The following DIP2C variants were observed in gnomAD, a reference collection of about 807,000 sequenced individuals.
The protein encoded by DIP2C is disco-interacting protein 2 homolog C.
Under a neutral mutation model 192.4 loss-of-function variants are expected in DIP2C, and 33 were observed. The observed-to-expected ratio is 0.17, with a 90% CI of 0.13 to 0.23. The LOEUF (loss-of-function observed/expected upper bound fraction) is 0.23, where lower values mean the gene tolerates loss of function less well. Ranked by LOEUF, DIP2C falls within the 10% of genes least tolerant of loss-of-function variation. The probability of loss-of-function intolerance (pLI) is 1.00; values close to 1 mark genes in which losing one functional copy is unlikely to be tolerated. For synonymous variants in DIP2C, 979 were observed against 864.1 expected, an observed-to-expected ratio of 1.13 and a Z score of -2.33; for missense variants, 1,537 against 2,110.1, an observed-to-expected ratio of 0.73 and a Z score of 5.32.
At chr10:589,189 T>C (rs536743366) in intron 1 of DIP2C, among the ~76,000 whole-genome samples, 1 of 152,314 alleles carries the variant, frequency 6.6e-6, no homozygotes, top group Admixed American at 6.5e-5. Flanking sequence ...GTTTGTTCTC[T>C]CAGTCATGAG....
intron 3 of DIP2C, among the ~76,000 whole-genome samples, chr10:464,654 A>G (rs1970063409): frequency 6.6e-6 from 1 of 152,252 alleles, no homozygotes; most frequent in Admixed American, 6.5e-5. Context: ...ATTATAAATC[A>G]TGATACTATA....
chr10:582,286 A>G (rs1441312823), intron 1 of DIP2C, among the ~76,000 whole-genome samples: 1 of 152,238 alleles, frequency 6.6e-6, no homozygotes. Flanking sequence ...GCAGAAAGGA[A>G]GCCTGAGGGC....
chr10:515,295 G>T (rs1010643355), intron 1 of DIP2C, among the ~76,000 whole-genome samples: 1 of 152,168 alleles, frequency 6.6e-6, no homozygotes, highest in African/African-American at 2.4e-5. Flanking sequence ...AACATTTGAG[G>T]TAGATTGTGG....
intron 26 of DIP2C, 137 bp downstream of exon 26, chr10:348,504 G>T: frequency 7.2e-7 from 1 of 1,390,070 alleles, no homozygotes; most frequent in Non-Finnish European, 9.8e-7. Flanking sequence ...TAGAGACCCT[G>T]TCCTGACCGT....
chr10:558,897 G>C (rs533629395), intron 1 of DIP2C, among the ~76,000 whole-genome samples: 130 of 152,252 alleles, frequency 8.5e-4, no homozygotes, highest in Non-Finnish European at 1.5e-3. Flanking sequence ...GGAGAACACA[G>C]CAGGACCCCA....
chr10:460,264 A>G (rs1002909216), intron 3 of DIP2C, among the ~76,000 whole-genome samples: 2 of 152,214 alleles, frequency 1.3e-5, no homozygotes, highest in Admixed American at 6.5e-5. Context: ...AACTAAAGCT[A>G]GAATCTAAGC....
chr10:340,806 C>T (rs1420433868), intron 29 of DIP2C: 2 of 459,110 alleles, frequency 4.4e-6, no homozygotes, highest in African/African-American at 2.0e-5. Context: ...CTAAGCCCCG[C>T]AGTAACAGCT....
chr10:359,697 G>C (rs983792459), intron 22 of DIP2C, among the ~76,000 whole-genome samples: 2 of 152,168 alleles, frequency 1.3e-5, no homozygotes, highest in African/African-American at 4.8e-5. Context: ...GCCCCTGCAC[G>C]ATCTCAGAAC....
chr10:502,722 A>G (rs539612374), intron 1 of DIP2C, among the ~76,000 whole-genome samples: 16 of 152,164 alleles, frequency 1.1e-4, no homozygotes, highest in East Asian at 1.9e-4. Context: ...AAACAACACT[A>G]TTTACAGTAG....
chr10:420,364 C>G (rs941081686), intron 5 of DIP2C, among the ~76,000 whole-genome samples: 1 of 152,204 alleles, frequency 6.6e-6, no homozygotes, highest in Non-Finnish European at 1.5e-5. Context: ...TCCGGTGTCA[C>G]AAGTAGATTC....
intron 1 of DIP2C, among the ~76,000 whole-genome samples, chr10:509,335 G>C (rs1015138498): frequency 1.3e-5 from 2 of 151,930 alleles, no homozygotes; most frequent in Admixed American, 6.5e-5. Context: ...GAAGCTCAGA[G>C]ACACTAAGGA....
rs933573750 is a variant in DIP2C, at chr10:477,136, G to A, written c.158-4587C>T. On this transcript the variant is annotated intron_variant, in intron 2 of 36. Coordinates refer to ENST00000280886, the MANE Select transcript of DIP2C (RefSeq NM_014974.3). ...CACAGAAGGAAAAGAAGGCAGTGAG[G>A]CCAGCACAGGAAGAAGGAAAAGGTC... Among the ~76,000 whole-genome samples the A allele has an allele frequency of 2.0e-5, 3 of 148,534 alleles. No individual in the cohort carries two copies. The Admixed American group carries it at 2.0e-4, about 10-fold the overall frequency.
chr10:409,477 C>A (rs1965039104), intron 8 of DIP2C, among the ~76,000 whole-genome samples: 1 of 152,204 alleles, frequency 6.6e-6, no homozygotes. Context: ...AAAGCAATGA[C>A]TCCAACAGTC....
chr10:306,000 T>TATATA (rs1564531251), intron 32 of DIP2C, among the ~76,000 whole-genome samples: 4 of 150,452 alleles, frequency 2.7e-5, no homozygotes, highest in African/African-American at 9.9e-5. Flanking sequence ...TATATTATAT[T>TATATA]TTTTTCCTAT....
chr10:486,461 G>C lies in DIP2C; in HGVS notation c.155C>G (p.Pro52Arg). The change falls in exon 2 of 37, where the codon CCG becomes CGG. Residue 52 changes from proline to arginine, a missense_variant and splice_region_variant. Coordinates refer to ENST00000280886, the MANE Select transcript of DIP2C (RefSeq NM_014974.3). ...TGCTACTCATGGGGGTTACCTACTC[G>C]GAGGCTGCGGAAGGTAGGCTCCAAT... ...KLIGAYLPQP[P>R]RVDQALPQER... 6.3e-7 allele frequency: 1 copy of C among 1,598,092 alleles called. No individual in the cohort carries two copies. The highest frequency in any genetic ancestry group is 8.5e-7 in the Non-Finnish European group (1 of 1,172,552).
Position 345,116 on chromosome 10 carries a change from A to G in DIP2C, c.3232-6T>C, listed in dbSNP as rs1328071012. ...AGACAGGCAGAGCGACTCACCTGGC[A>G]TCAGAGAGCGAGAATGGAGCCATGA... On this transcript the variant is annotated splice_polypyrimidine_tract_variant and splice_region_variant and intron_variant, in intron 26 of 36. Transcript: ENST00000280886. The G allele has an allele frequency of 2.5e-6, 4 of 1,608,968 alleles. No homozygotes were observed. The African/African-American group carries it at 5.3e-5, about 21-fold the overall frequency.
At chr10:566,142 T>C (rs919310088) in intron 1 of DIP2C, among the ~76,000 whole-genome samples, 2 of 152,244 alleles carry the variant, frequency 1.3e-5, no homozygotes, top group Non-Finnish European at 2.9e-5. Context: ...TTTAGGACTT[T>C]AGTAGTTTAC....
At chr10:640,078 C>T (rs1855086604) in intron 1 of DIP2C, among the ~76,000 whole-genome samples, 1 of 151,952 alleles carries the variant, frequency 6.6e-6, no homozygotes, top group African/African-American at 2.4e-5. Flanking sequence ...TCCCTCCACG[C>T]ATCTCCACGC....
rs116987876 is a variant in DIP2C, at chr10:392,178, C to G, written c.1261-1315G>C. Among the ~76,000 whole-genome samples the G allele has an allele frequency of 5.4e-3, 821 of 152,280 alleles. 3 individuals carry two copies. The highest frequency in any genetic ancestry group is 0.014 in the Middle Eastern group (4 of 294). ...CTGAACATCACATTAGCAAACGTCC[C>G]GACTCTTGAAGGGACACAGGTGAGG... On this transcript the variant is annotated intron_variant, in intron 10 of 36. Coordinates refer to ENST00000280886, the MANE Select transcript of DIP2C (RefSeq NM_014974.3).
Sources: allele counts gnomAD v4.1 joint callset (sites outside exome capture counted in the v4.1 genomes callset), GRCh38; gene constraint gnomAD v4.1.1; transcripts MANE v1.5; gene names NCBI Gene and HGNC (gene_info 2026-07-23, HGNC 2026-07-21).